The following HPSE2 variants were observed in gnomAD, a reference collection of about 807,000 sequenced individuals.
The protein encoded by HPSE2 is inactive heparanase-2.
In HPSE2, 38 loss-of-function variants were observed where a neutral mutation model predicts 60.5. The observed-to-expected ratio is 0.63, with a 90% CI of 0.48 to 0.82. The LOEUF (loss-of-function observed/expected upper bound fraction) is 0.82. Among genes scored for constraint, HPSE2 ranks in the 40% least tolerant of loss-of-function variants. HPSE2 has a pLI of 0.00. For synonymous variants in HPSE2, 295 were observed against 293.2 expected, an observed-to-expected ratio of 1.01 and a Z score of -0.06; for missense variants, 713 against 740.4, an observed-to-expected ratio of 0.96 and a Z score of 0.43.
chr10:99,266,025 G>A, the HPSE2 span, among the ~76,000 whole-genome samples: 5 of 152,216 alleles, frequency 3.3e-5, no homozygotes, highest in African/African-American at 1.2e-4. Flanking sequence ...TCTCACAGAG[G>A]TTCTTGGGGA....
At chr10:99,122,303 G>C (rs1844984822) in intron 3 of HPSE2, among the ~76,000 whole-genome samples, 1 of 151,946 alleles carries the variant, frequency 6.6e-6, no homozygotes, top group South Asian at 2.1e-4. Flanking sequence ...TAAATCATGT[G>C]AAAAGCAGCT....
chr10:99,039,760 A>C (rs1957695087), intron 3 of HPSE2, among the ~76,000 whole-genome samples: 1 of 152,084 alleles, frequency 6.6e-6, no homozygotes, highest in Admixed American at 6.5e-5. Context: ...AAGGGGAACA[A>C]GTAAAATGGA....
intron 11 of HPSE2, among the ~76,000 whole-genome samples, chr10:98,470,085 A>C (rs1364888954): frequency 6.8e-6 from 1 of 147,132 alleles, no homozygotes. Flanking sequence ...GGTGGAGTGA[A>C]GACAGGTAGG....
intron 3 of HPSE2, among the ~76,000 whole-genome samples, chr10:99,090,443 C>G (rs1394395039): frequency 1.3e-5 from 2 of 152,074 alleles, no homozygotes; most frequent in Non-Finnish European, 2.9e-5. Flanking sequence ...AGAAGTTCTA[C>G]TGCAACAAGA....
At chr10:99,090,729 T>G (rs1458677142) in intron 3 of HPSE2, among the ~76,000 whole-genome samples, 1 of 152,124 alleles carries the variant, frequency 6.6e-6, no homozygotes, top group Non-Finnish European at 1.5e-5. Flanking sequence ...TAATGATAGT[T>G]TCACATAGGT....
At chr10:98,962,992 C>T (rs1050306917) in intron 3 of HPSE2, among the ~76,000 whole-genome samples, 3 of 152,266 alleles carry the variant, frequency 2.0e-5, no homozygotes, top group African/African-American at 7.2e-5. Context: ...CTACAGAGCA[C>T]ATTCTCTGTG....
chr10:99,186,763 A>G (rs545105013), intron 2 of HPSE2, among the ~76,000 whole-genome samples: 1 of 152,194 alleles, frequency 6.6e-6, no homozygotes, highest in East Asian at 1.9e-4. Flanking sequence ...GCCTTCAGAC[A>G]GAAGGAATAT....
At chr10:99,084,385 T>C (rs536686174) in intron 3 of HPSE2, among the ~76,000 whole-genome samples, 1 of 152,342 alleles carries the variant, frequency 6.6e-6, no homozygotes, top group Admixed American at 6.5e-5. Flanking sequence ...CTTTCTTTTT[T>C]ATGCAAATAT....
chr10:98,495,055 T>C lies in HPSE2; in HGVS notation c.1321-4859A>G, dbSNP rs537989721. On this transcript the variant is annotated intron_variant, in intron 9 of 11. Coordinates refer to ENST00000370552, the MANE Select transcript of HPSE2 (RefSeq NM_021828.5). ...CAAGCAGGACTCCCTTAAGCATTTTTTGCAGAGCAAGTCTAGTCATCACAA... is the reference window on the plus strand; with the variant it reads ...CAAGCAGGACTCCCTTAAGCATTTTCTGCAGAGCAAGTCTAGTCATCACAA... Among the ~76,000 whole-genome samples, 4 of 152,332 alleles carry C rather than the reference T, an allele frequency of 2.6e-5. No homozygotes were observed. In the East Asian group the frequency reaches 7.7e-4, roughly 29 times the overall value.
the HPSE2 span, among the ~76,000 whole-genome samples, chr10:99,269,117 C>T: frequency 6.6e-6 from 1 of 152,000 alleles, no homozygotes; most frequent in Admixed American, 6.6e-5. Context: ...CAAGATCATG[C>T]CACTGCACTC....
chr10:98,653,854 C>A (rs1309019031), intron 6 of HPSE2, among the ~76,000 whole-genome samples: 1 of 152,002 alleles, frequency 6.6e-6, no homozygotes, highest in East Asian at 1.9e-4. Context: ...TTCTTTCTAC[C>A]TGAAAAGCTT....
intron 3 of HPSE2, among the ~76,000 whole-genome samples, chr10:99,124,724 C>T (rs188756007): frequency 1.2e-4 from 18 of 152,364 alleles, no homozygotes; most frequent in Middle Eastern, 3.4e-3. Context: ...TAGGCACTTC[C>T]GAGCCTGCTG....
intron 9 of HPSE2, among the ~76,000 whole-genome samples, chr10:98,542,396 C>T (rs1943502643): frequency 6.6e-6 from 1 of 152,146 alleles, no homozygotes; most frequent in South Asian, 2.1e-4. Flanking sequence ...AGCAGAAAAA[C>T]TGGAAACTCT....
intron 3 of HPSE2, among the ~76,000 whole-genome samples, chr10:99,037,212 G>C (rs1957629498): frequency 6.6e-6 from 1 of 152,136 alleles, no homozygotes; most frequent in African/African-American, 2.4e-5. Flanking sequence ...TATTAGAAGA[G>C]ACTAAGGAAA....
intron 3 of HPSE2, among the ~76,000 whole-genome samples, chr10:99,058,185 C>T (rs1958156174): frequency 6.6e-6 from 1 of 152,294 alleles, no homozygotes; most frequent in Non-Finnish European, 1.5e-5. Context: ...ACAGCTGGAG[C>T]ATCACACACA....
chr10:98,948,152 T>C (rs569907352), intron 3 of HPSE2, among the ~76,000 whole-genome samples: 8 of 152,202 alleles, frequency 5.3e-5, no homozygotes, highest in Non-Finnish European at 1.2e-4. Flanking sequence ...GATGCCATCA[T>C]TGTTTAAAAA....
At chr10:98,976,000 GTTACCAAGGTTTGTCCA>G (rs1263796056) in intron 3 of HPSE2, among the ~76,000 whole-genome samples, 1 of 152,130 alleles carries the variant, frequency 6.6e-6, no homozygotes, top group African/African-American at 2.4e-5. Flanking sequence ...GTAGAATAAA[GTTACCAAGGTTTGTCCA>G]TTTTTCCTTA....
intron 6 of HPSE2, among the ~76,000 whole-genome samples, chr10:98,668,267 C>T (rs927160634): frequency 1.1e-4 from 17 of 152,084 alleles, no homozygotes; most frequent in Middle Eastern, 3.4e-3. Flanking sequence ...AATGAAATTA[C>T]ACAAATAAAT....
intron 3 of HPSE2, among the ~76,000 whole-genome samples, chr10:99,066,412 AT>A (rs1842619315): frequency 6.6e-6 from 1 of 152,220 alleles, no homozygotes; most frequent in Non-Finnish European, 1.5e-5. Context: ...AGGAAAAAAA[AT>A]AAAGATTAGA....
Sources: allele counts gnomAD v4.1 joint callset (sites outside exome capture counted in the v4.1 genomes callset), GRCh38; gene constraint gnomAD v4.1.1; transcripts MANE v1.5; gene names NCBI Gene and HGNC (gene_info 2026-07-23, HGNC 2026-07-21).